Variants in NLGN1 observed in about 807,000 individuals in gnomAD.
The protein encoded by NLGN1 is neuroligin-1.
NLGN1 carries 12 observed loss-of-function variants against 65.5 expected under a neutral mutation model. The observed-to-expected ratio is 0.18, with a 90% CI of 0.12 to 0.30. NLGN1 has a LOEUF of 0.30. Among genes scored for constraint, NLGN1 ranks in the 10% least tolerant of loss-of-function variants. NLGN1 has a pLI of 1.00. For missense variants in NLGN1, 750 were observed against 1,007.1 expected (o/e 0.74, Z 3.46); for synonymous variants, 350 against 359.5 (o/e 0.97, Z 0.30).
At chr3:173,548,868 T>G (rs111685829) in intron 2 of NLGN1, among the ~76,000 whole-genome samples, 179 of 152,122 alleles carry the variant, frequency 1.2e-3, no homozygotes, top group African/African-American at 4.0e-3. Context: ...CTCTGACATA[T>G]TCTAGTATTT....
chr3:173,818,063 T>G (rs1719400994), intron 4 of NLGN1, among the ~76,000 whole-genome samples: 1 of 152,204 alleles, frequency 6.6e-6, no homozygotes, highest in African/African-American at 2.4e-5. Flanking sequence ...TAGCTTTCTT[T>G]CAGAGCAGAA....
In NLGN1 at chr3:173,895,839, TG is replaced by T. The variant is rs1736257043; in HGVS notation, c.646+88008del. 2.6e-5 allele frequency among the ~76,000 whole-genome samples: 4 copies of T among 152,174 alleles called. No individual in the cohort carries two copies. In the South Asian group the frequency reaches 8.3e-4, roughly 32 times the overall value. ...CCAAGTAGCTGTGATTGTAGGCATG[TG>T]CCCCCACACATGGCTAATTTTTGTA... On this transcript the variant is annotated intron_variant, in intron 4 of 6. Coordinates refer to ENST00000457714, the Ensembl canonical transcript of NLGN1.
At chr3:173,783,553 G>A (rs1781498771) in intron 3 of NLGN1, among the ~76,000 whole-genome samples, 1 of 152,174 alleles carries the variant, frequency 6.6e-6, no homozygotes. Flanking sequence ...CTCACTGAAA[G>A]TATGGAAACA....
chr3:174,051,888 A>G (rs955906636), intron 4 of NLGN1, among the ~76,000 whole-genome samples: 1 of 152,024 alleles, frequency 6.6e-6, no homozygotes, highest in African/African-American at 2.4e-5. Context: ...TAAAGATGTA[A>G]CACAATACAA....
At chr3:173,864,112 G>A (rs1729659051) in intron 4 of NLGN1, among the ~76,000 whole-genome samples, 1 of 152,178 alleles carries the variant, frequency 6.6e-6, no homozygotes, top group Admixed American at 6.5e-5. Context: ...ATAATGGACT[G>A]TTGAATGGCT....
At chr3:174,103,701 ATAT>A (rs1713074657) in intron 4 of NLGN1, among the ~76,000 whole-genome samples, 2 of 152,238 alleles carry the variant, frequency 1.3e-5, no homozygotes, top group South Asian at 4.1e-4. Flanking sequence ...AAACATAAAG[ATAT>A]TATTACCTAT....
At chr3:173,815,824 A>T (rs1718925909) in intron 4 of NLGN1, among the ~76,000 whole-genome samples, 1 of 151,956 alleles carries the variant, frequency 6.6e-6, no homozygotes, top group Admixed American at 6.6e-5. Context: ...CTGTGTACCA[A>T]CCCTTCCATG....
chr3:173,952,994 G>A (rs1748519853), intron 4 of NLGN1, among the ~76,000 whole-genome samples: 1 of 151,992 alleles, frequency 6.6e-6, no homozygotes, highest in African/African-American at 2.4e-5. Flanking sequence ...GTCCAGGCTG[G>A]TCTTGAACTC....
At chr3:173,904,492 A>G (rs1737970358) in intron 4 of NLGN1, among the ~76,000 whole-genome samples, 1 of 150,742 alleles carries the variant, frequency 6.6e-6, no homozygotes, top group Non-Finnish European at 1.5e-5. Context: ...ACTTTTGCTT[A>G]TATGTGAAGA....
intron 4 of NLGN1, among the ~76,000 whole-genome samples, chr3:174,116,133 T>G (rs1400632306): frequency 6.6e-6 from 1 of 152,040 alleles, no homozygotes; most frequent in African/African-American, 2.4e-5. Flanking sequence ...TTATAAATAC[T>G]GAAATAGACA....
intron 1 of NLGN1, among the ~76,000 whole-genome samples, chr3:173,427,846 T>A: frequency 7.3e-6 from 1 of 137,720 alleles, no homozygotes; most frequent in South Asian, 2.2e-4. Flanking sequence ...GGAAACTCTA[T>A]TTTTTTTTTT....
At chr3:173,727,633 C>A (rs1424382362) in intron 3 of NLGN1, among the ~76,000 whole-genome samples, 1 of 152,056 alleles carries the variant, frequency 6.6e-6, no homozygotes, top group Non-Finnish European at 1.5e-5. Context: ...CTTGCCCAAC[C>A]CACACACCTT....
intron 2 of NLGN1, among the ~76,000 whole-genome samples, chr3:173,446,109 C>T (rs895797846): frequency 2.8e-4 from 42 of 150,926 alleles, no homozygotes; most frequent in African/African-American, 8.0e-4. Context: ...TACATGTGCA[C>T]AACGTGCAGG....
At chr3:174,155,518 GAC>G (rs1725279008) in intron 4 of NLGN1, among the ~76,000 whole-genome samples, 1 of 151,780 alleles carries the variant, frequency 6.6e-6, no homozygotes, top group African/African-American at 2.4e-5. Flanking sequence ...CTTTTCATTA[GAC>G]AATATAGGGA....
chr3:174,120,054 C>T (rs924921479), intron 4 of NLGN1, among the ~76,000 whole-genome samples: 1 of 152,190 alleles, frequency 6.6e-6, no homozygotes, highest in East Asian at 1.9e-4. Context: ...TTAAAAATAG[C>T]AAACATTGAC....
intron 2 of NLGN1, among the ~76,000 whole-genome samples, chr3:173,537,992 AT>A (rs1222529496): frequency 6.6e-6 from 1 of 152,184 alleles, no homozygotes; most frequent in Non-Finnish European, 1.5e-5. Flanking sequence ...TTCCAGGTCA[AT>A]GGAATAATTG....
chr3:173,870,500 C>T (rs1040968008), intron 4 of NLGN1, among the ~76,000 whole-genome samples: 12 of 152,108 alleles, frequency 7.9e-5, no homozygotes, highest in South Asian at 2.1e-4. Flanking sequence ...CTCAGTTTTC[C>T]GACAGTTTCA....
chr3:174,118,229 T>C (rs570202248), intron 4 of NLGN1, among the ~76,000 whole-genome samples: 1 of 152,264 alleles, frequency 6.6e-6, no homozygotes, highest in African/African-American at 2.4e-5. Context: ...ATCACTTTCT[T>C]CTTATTCGTA....
At chr3:173,512,564 G>A (rs147918475) in intron 2 of NLGN1, among the ~76,000 whole-genome samples, 1 of 152,152 alleles carries the variant, frequency 6.6e-6, no homozygotes, top group South Asian at 2.1e-4. Context: ...ACAGGATGGG[G>A]ACAAGGTGGG....
Sources: allele counts gnomAD v4.1 joint callset (sites outside exome capture counted in the v4.1 genomes callset), GRCh38; gene constraint gnomAD v4.1.1; transcripts MANE v1.5; gene names NCBI Gene and HGNC (gene_info 2026-07-23, HGNC 2026-07-21).